PLA2G12B: variants seen among roughly 807,000 people sequenced by gnomAD.
The protein encoded by PLA2G12B is phospholipase A2 group XIIB.
PLA2G12B carries 19 observed loss-of-function variants against 22.3 expected under a neutral mutation model. The observed-to-expected ratio is 0.85, with a 90% confidence interval of 0.60 to 1.25. The LOEUF is 1.25. PLA2G12B is among the 50% of genes most tolerant of loss of function. The pLI, the probability that PLA2G12B is intolerant of heterozygous loss-of-function variation, is 0.00. For synonymous variants in PLA2G12B, 81 were observed against 94.9 expected (o/e 0.85, Z 0.85); for missense variants, 191 against 246.6 (o/e 0.77, Z 1.51).
At chr10:72,949,160 A>G (rs1846487597) in intron 1 of PLA2G12B, among the ~76,000 whole-genome samples, 1 of 152,186 alleles carries the variant, frequency 6.6e-6, no homozygotes. Flanking sequence ...ACCAAATTGC[A>G]TATCCTGCAC....
rs140631978 is a variant in PLA2G12B, at chr10:72,950,767, A to G, written c.211+3708T>C. On this transcript the variant is annotated intron_variant, in intron 1 of 3. Coordinates refer to ENST00000373032, the MANE Select transcript of PLA2G12B (RefSeq NM_032562.5). ...AGTGCTGGGATTACAATAGACAGAT[A>G]TTTAAAGAAACTTTTAAGATACTCT... Among the ~76,000 whole-genome samples the G allele has an allele frequency of 5.3e-5, 8 of 152,372 alleles. No homozygotes were observed. The East Asian group carries it at 1.3e-3, about 26-fold the overall frequency.
intron 2 of PLA2G12B, 114 bp downstream of exon 2, chr10:72,942,538 C>A: frequency 1.2e-6 from 1 of 812,114 alleles, no homozygotes; most frequent in South Asian, 2.2e-5. Context: ...ATTTAAAATA[C>A]TTAATTGTAT....
intron 2 of PLA2G12B, 116 bp from the exon 3 acceptor site, chr10:72,941,450 C>G: frequency 1.0e-6 from 1 of 995,884 alleles, no homozygotes; most frequent in Non-Finnish European, 1.5e-6. Flanking sequence ...ATTTCTGTTG[C>G]ATATCCCGAT....
chr10:72,950,979 T>G (rs1846521824), intron 1 of PLA2G12B, among the ~76,000 whole-genome samples: 1 of 152,214 alleles, frequency 6.6e-6, no homozygotes, highest in Non-Finnish European at 1.5e-5. Context: ...GTCCAGCCAC[T>G]GGGATTTCTG....
intron 2 of PLA2G12B, 122 bp from the exon 3 acceptor site, chr10:72,941,456 C>T (rs1326593045): frequency 2.2e-6 from 2 of 920,714 alleles, no homozygotes; most frequent in African/African-American, 3.3e-5. Context: ...GTTGCATATC[C>T]CGATCAATTC....
chr10:72,939,749 C>G (rs560981994), intron 3 of PLA2G12B, among the ~76,000 whole-genome samples: 27 of 152,182 alleles, frequency 1.8e-4, no homozygotes, highest in Non-Finnish European at 3.2e-4. Flanking sequence ...AAGAGACAGA[C>G]CAGAAATGCC....
intron 1 of PLA2G12B, among the ~76,000 whole-genome samples, chr10:72,944,201 G>T (rs757852846): frequency 6.6e-6 from 1 of 152,032 alleles, no homozygotes; most frequent in Non-Finnish European, 1.5e-5. Context: ...AAACAGCCAT[G>T]TACCAAATGC....
At chr10:72,952,090 A>G (rs1190927828) in intron 1 of PLA2G12B, among the ~76,000 whole-genome samples, 1 of 152,228 alleles carries the variant, frequency 6.6e-6, no homozygotes, top group Non-Finnish European at 1.5e-5. Flanking sequence ...CAACCCACAG[A>G]AATTTTGATT....
chr10:72,942,631 G>T, intron 2 of PLA2G12B, 21 bp downstream of exon 2: 1 of 1,562,286 alleles, frequency 6.4e-7, no homozygotes, highest in South Asian at 1.2e-5. Flanking sequence ...CAACCAAGAA[G>T]GTAATGCTGG....
At chr10:72,949,070 A>G (rs763736498) in intron 1 of PLA2G12B, among the ~76,000 whole-genome samples, 2 of 152,110 alleles carry the variant, frequency 1.3e-5, no homozygotes, top group Non-Finnish European at 2.9e-5. Context: ...GGTTCCCCCA[A>G]AGGTGCTAGG....
In PLA2G12B at chr10:72,941,325, C is replaced by T. The variant is rs1439190892; in HGVS notation, c.310G>A (p.Gly104Ser). 1 of 1,613,048 alleles carries T rather than the reference C, an allele frequency of 6.2e-7. No individual in the cohort carries two copies. The highest frequency in any genetic ancestry group is 1.3e-5 in the African/African-American group (1 of 75,000). ...CAGCACTTTGTCATTGCTGGAATGC[C>T]CAAGTCCATCTGGGGAAAAGTGAAG... Reference protein sequence around the residue: ...GLKVPESMDLGIPAMTKCCNQ... With the variant: ...GLKVPESMDLSIPAMTKCCNQ... Residue 104 changes from glycine (G) to serine (S), a missense_variant, in exon 3 of 4, where the codon GGC becomes AGC. By Grantham distance (56) the Gly-to-Ser change is moderately conservative. Transcript: ENST00000373032.
At chr10:72,949,990 T>G (rs1464828886) in intron 1 of PLA2G12B, among the ~76,000 whole-genome samples, 1 of 129,376 alleles carries the variant, frequency 7.7e-6, no homozygotes, top group Non-Finnish European at 1.5e-5. Context: ...AAAAACAAAA[T>G]TCCAGAAAAA....
chr10:72,953,588 C>T (rs945661575), intron 1 of PLA2G12B, among the ~76,000 whole-genome samples: 2 of 152,112 alleles, frequency 1.3e-5, no homozygotes, highest in Non-Finnish European at 2.9e-5. Context: ...CTTTGGAAAA[C>T]GTTTTCATGC....
intron 1 of PLA2G12B, among the ~76,000 whole-genome samples, chr10:72,948,791 A>C (rs1846482056): frequency 6.6e-6 from 1 of 152,260 alleles, no homozygotes; most frequent in Non-Finnish European, 1.5e-5. Context: ...CCATAAAGAA[A>C]GAGACTGACA....
chr10:72,945,038 G>A (rs968966912), intron 1 of PLA2G12B, among the ~76,000 whole-genome samples: 11 of 152,206 alleles, frequency 7.2e-5, no homozygotes, highest in African/African-American at 2.2e-4. Context: ...CAGCTAAAAC[G>A]TGGAAGGAGG....
intron 3 of PLA2G12B, among the ~76,000 whole-genome samples, chr10:72,938,008 G>A (rs909940658): frequency 6.6e-6 from 1 of 151,854 alleles, no homozygotes; most frequent in African/African-American, 2.4e-5. Flanking sequence ...CAGCTACTCA[G>A]GAGGCCAAGG....
chr10:72,948,308 T>C (rs989530373), intron 1 of PLA2G12B, among the ~76,000 whole-genome samples: 4 of 152,248 alleles, frequency 2.6e-5, no homozygotes, highest in African/African-American at 7.2e-5. Context: ...TATTCTAGTT[T>C]GAAAGATACC....
intron 1 of PLA2G12B, among the ~76,000 whole-genome samples, chr10:72,952,472 A>C (rs532557787): frequency 1.2e-3 from 177 of 152,330 alleles, no homozygotes; most frequent in Non-Finnish European, 2.0e-3. Context: ...ATCTGGTTGA[A>C]TCTGCCCTCC....
At chr10:72,949,359 A>G (rs1846490562) in intron 1 of PLA2G12B, among the ~76,000 whole-genome samples, 1 of 152,238 alleles carries the variant, frequency 6.6e-6, no homozygotes, top group Non-Finnish European at 1.5e-5. Flanking sequence ...GCCCCTGATC[A>G]ATACTGAATT....
Sources: allele counts gnomAD v4.1 joint callset (sites outside exome capture counted in the v4.1 genomes callset), GRCh38; gene constraint gnomAD v4.1.1; transcripts MANE v1.5; gene names NCBI Gene and HGNC (gene_info 2026-07-23, HGNC 2026-07-21).